CR1L: variants seen among roughly 807,000 people sequenced by gnomAD.
The protein encoded by CR1L is complement C3b/C4b receptor 1 like, also known as complement component receptor 1-like protein.
Under a neutral mutation model 62.3 loss-of-function variants are expected in CR1L, and 59 were observed. The ratio of observed to expected loss-of-function variants is 0.95; its 90% CI spans 0.77 to 1.18. The LOEUF is 1.18. CR1L is among the 50% of genes most tolerant of loss of function. The probability of loss-of-function intolerance (pLI) is 0.00; values close to 1 mark genes in which losing one functional copy is unlikely to be tolerated. For missense variants in CR1L, 700 were observed against 702.8 expected, an observed-to-expected ratio of 1.00 and a Z score of 0.04; for synonymous variants, 279 against 248.7, an observed-to-expected ratio of 1.12 and a Z score of -1.15.
At chr1:207,708,755 C>A (rs890375698) in intron 10 of CR1L, 12 of 454,488 alleles carry the variant, frequency 2.6e-5, no homozygotes, top group Non-Finnish European at 4.8e-5. Context: ...GAGGAATGAG[C>A]AATTGCAAGC....
chr1:207,659,128 CT>C (rs1265453413), intron 1 of CR1L: 2 of 152,402 alleles, frequency 1.3e-5, no homozygotes, highest in African/African-American at 4.8e-5. Flanking sequence ...GGTGGAGATC[CT>C]GATGGAGACC....
At chr1:207,667,705 CA>C (rs1663544039) in intron 1 of CR1L, among the ~76,000 whole-genome samples, 1 of 151,810 alleles carries the variant, frequency 6.6e-6, no homozygotes, top group South Asian at 2.1e-4. Context: ...TGGGATACAG[CA>C]AAGGAAACAA....
At chr1:207,680,693 G>A (rs1309994457) in intron 3 of CR1L, among the ~76,000 whole-genome samples, 7 of 152,180 alleles carry the variant, frequency 4.6e-5, no homozygotes, top group Non-Finnish European at 1.0e-4. Context: ...AGAAGACTGT[G>A]GCTATGCAGC....
chr1:207,700,272 A>C (rs892091972), intron 8 of CR1L, among the ~76,000 whole-genome samples: 1 of 152,232 alleles, frequency 6.6e-6, no homozygotes, highest in Non-Finnish European at 1.5e-5. Context: ...TAACTTATAT[A>C]GAGATGCTTG....
At chr1:207,705,630 A>G (rs988032524) in intron 9 of CR1L, among the ~76,000 whole-genome samples, 6 of 152,226 alleles carry the variant, frequency 3.9e-5, no homozygotes, top group Non-Finnish European at 7.3e-5. Flanking sequence ...GAATAAATCC[A>G]AAGTCCTCTT....
chr1:207,693,302 G>A (rs1184192889), intron 4 of CR1L, among the ~76,000 whole-genome samples: 2 of 152,150 alleles, frequency 1.3e-5, no homozygotes, highest in African/African-American at 4.8e-5. Flanking sequence ...ATTTTTAGTA[G>A]AGACAGGGTT....
At chr1:207,655,458 T>A (rs1306459807) in intron 1 of CR1L, among the ~76,000 whole-genome samples, 3 of 152,108 alleles carry the variant, frequency 2.0e-5, no homozygotes, top group Non-Finnish European at 2.9e-5. Context: ...TAAATAAGTA[T>A]TGATTCTTTT....
chr1:207,701,540 C>G lies in CR1L; in HGVS notation c.1250C>G (p.Pro417Arg). 1 of 1,613,796 alleles carries G rather than the reference C, an allele frequency of 6.2e-7. No homozygotes were observed. The highest frequency in any genetic ancestry group is 8.5e-7 in the Non-Finnish European group (1 of 1,179,758). ...VCERKSCETPPVPVNGMVHVI... is the reference protein window; with the variant it reads ...VCERKSCETPRVPVNGMVHVI... ...ACAGGTAAATCATGTGAAACTCCTCCAGTTCCAGTGAATGGCATGGTGCAT... is the reference window on the plus strand; with the variant it reads ...ACAGGTAAATCATGTGAAACTCCTCGAGTTCCAGTGAATGGCATGGTGCAT... Residue 417 changes from proline (P) to arginine (R), a missense_variant, in exon 9 of 12, where the codon CCA becomes CGA. Coordinates refer to ENST00000508064, the MANE Select transcript of CR1L (RefSeq NM_175710.2).
chr1:207,679,345 T>C lies in CR1L; in HGVS notation c.377+1048T>C, dbSNP rs550821966. Among the ~76,000 whole-genome samples, 5 of 151,966 alleles carry C rather than the reference T, an allele frequency of 3.3e-5. No homozygotes were observed. The East Asian group carries it at 9.7e-4, about 29-fold the overall frequency. On this transcript the variant is annotated intron_variant, in intron 3 of 11. Coordinates refer to ENST00000508064, the MANE Select transcript of CR1L (RefSeq NM_175710.2). ...CAATAAGGACACCAGTCATATTGGA[T>C]TGGGGCCCACACTAACAACTTCATC...
At chr1:207,722,596 C>T (rs1461447897) in intron 11 of CR1L, among the ~76,000 whole-genome samples, 1 of 151,834 alleles carries the variant, frequency 6.6e-6, no homozygotes, top group Non-Finnish European at 1.5e-5. Flanking sequence ...GTTACTGTAG[C>T]CTTGTAGTAT....
intron 1 of CR1L, among the ~76,000 whole-genome samples, chr1:207,662,283 C>G (rs1336800989): frequency 6.6e-6 from 1 of 152,208 alleles, no homozygotes; most frequent in Non-Finnish European, 1.5e-5. Flanking sequence ...TTCAGGTACA[C>G]CAATCAGACG....
intron 10 of CR1L, among the ~76,000 whole-genome samples, chr1:207,711,770 G>A (rs888451509): frequency 6.6e-6 from 1 of 152,048 alleles, no homozygotes; most frequent in Non-Finnish European, 1.5e-5. Flanking sequence ...ATCTGAGTGA[G>A]GTGGCTCGCA....
intron 1 of CR1L, among the ~76,000 whole-genome samples, chr1:207,646,160 C>T (rs1489279009): frequency 3.3e-5 from 5 of 152,094 alleles, no homozygotes; most frequent in Admixed American, 1.3e-4. Context: ...TTCCTGTTCC[C>T]AACCAATATA....
chr1:207,701,423 T>G (rs1484258441), intron 8 of CR1L, 96 bp from the exon 9 acceptor site: 1 of 1,477,070 alleles, frequency 6.8e-7, no homozygotes, highest in East Asian at 2.3e-5. Context: ...CAGAACTGCG[T>G]GTTTTCTTCA....
intron 1 of CR1L, among the ~76,000 whole-genome samples, chr1:207,649,684 T>G (rs1163683593): frequency 6.6e-6 from 1 of 152,188 alleles, no homozygotes; most frequent in African/African-American, 2.4e-5. Flanking sequence ...CCAACCTAAC[T>G]GGAATGTATT....
chr1:207,697,079 A>T (rs1664110646), intron 5 of CR1L, among the ~76,000 whole-genome samples: 1 of 152,200 alleles, frequency 6.6e-6, no homozygotes, highest in Non-Finnish European at 1.5e-5. Flanking sequence ...ATTAGATGAG[A>T]CATGGGCAGG....
At chr1:207,663,928 C>T (rs560603804) in intron 1 of CR1L, among the ~76,000 whole-genome samples, 64 of 152,326 alleles carry the variant, frequency 4.2e-4, no homozygotes, top group Admixed American at 3.3e-4. Flanking sequence ...AGAACACGAC[C>T]TATATTTCTG....
At chr1:207,657,455 G>T in intron 1 of CR1L, 1 of 523,638 alleles carries the variant, frequency 1.9e-6, no homozygotes, top group Non-Finnish European at 3.4e-6. Flanking sequence ...TTTAATACAG[G>T]TCAATTCAAG....
At chr1:207,682,062 G>T (rs1458244138) in intron 3 of CR1L, among the ~76,000 whole-genome samples, 2 of 152,016 alleles carry the variant, frequency 1.3e-5, no homozygotes, top group Admixed American at 6.6e-5. Flanking sequence ...CGGTTGACGG[G>T]TGCAGCAAAC....
Sources: allele counts gnomAD v4.1 joint callset (sites outside exome capture counted in the v4.1 genomes callset), GRCh38; gene constraint gnomAD v4.1.1; transcripts MANE v1.5; gene names NCBI Gene and HGNC (gene_info 2026-07-23, HGNC 2026-07-21).